Variants in ZNF577 observed in about 807,000 individuals in gnomAD.
ZNF577 encodes the protein zinc finger protein 577.
In ZNF577, 14 loss-of-function variants were observed where a neutral mutation model predicts 13.9. The observed-to-expected ratio is 1.00, with a 90% confidence interval of 0.66 to 1.57. ZNF577 has a LOEUF of 1.57. Among genes scored for constraint, ZNF577 ranks in the 40% most tolerant of loss-of-function variants. The pLI is 0.00. For synonymous variants in ZNF577, 203 were observed against 202.9 expected, an observed-to-expected ratio of 1.00 and a Z score of 0.00; for missense variants, 555 against 579.2, an observed-to-expected ratio of 0.96 and a Z score of 0.43.
intron 5 of ZNF577, among the ~76,000 whole-genome samples, chr19:51,857,394 GA>G (rs1203689121): frequency 6.7e-5 from 8 of 119,294 alleles, no homozygotes; most frequent in Non-Finnish European, 1.3e-4. Context: ...AAGAAAGAAA[GA>G]AAGAAAGAAA....
chr19:51,865,097 A>T (rs1489509516), downstream of ZNF577, among the ~76,000 whole-genome samples: 1 of 151,996 alleles, frequency 6.6e-6, no homozygotes, highest in African/African-American at 2.4e-5. Context: ...AACTTTCCCA[A>T]AGATTTTTTT....
intron 5 of ZNF577, among the ~76,000 whole-genome samples, chr19:51,857,400 AAG>A (rs1284733262): frequency 4.8e-5 from 6 of 124,004 alleles, no homozygotes; most frequent in South Asian, 6.6e-4. Flanking sequence ...GAAAGAAAGA[AAG>A]AAAGAAAGAA....
chr19:51,823,836 T>C (rs2084209070), intron 9 of ZNF577: 2 of 1,614,050 alleles, frequency 1.2e-6, no homozygotes, highest in Non-Finnish European at 1.7e-6. Context: ...GATCTTCTCA[T>C]TGCTAGTCCA....
intron 9 of ZNF577, among the ~76,000 whole-genome samples, chr19:51,829,631 G>C (rs12459126): frequency 0.099 from 15,039 of 152,216 alleles, 925 homozygotes; most frequent in South Asian, 0.32. Context: ...GAGAGCCACA[G>C]GATACCAGGC....
At chr19:51,858,375 T>C (rs2084460558) in intron 5 of ZNF577, among the ~76,000 whole-genome samples, 2 of 152,218 alleles carry the variant, frequency 1.3e-5, no homozygotes, top group African/African-American at 4.8e-5. Context: ...CTACTTAGGG[T>C]AGGGAGTCCC....
At chr19:51,806,202 C>T (rs962516144) in intron 10 of ZNF577, among the ~76,000 whole-genome samples, 5 of 152,156 alleles carry the variant, frequency 3.3e-5, no homozygotes, top group East Asian at 1.9e-4. Flanking sequence ...TGGCTCGTAC[C>T]GGAGGGACTG....
chr19:51,879,698 G>T (rs184266030), intron 3 of ZNF577, among the ~76,000 whole-genome samples: 26 of 152,302 alleles, frequency 1.7e-4, no homozygotes, highest in Admixed American at 1.7e-3. Context: ...ACTAGATAGA[G>T]ACCCAAACTA....
chr19:51,882,602 C>A (rs1466472753), intron 1 of ZNF577, among the ~76,000 whole-genome samples: 2 of 151,790 alleles, frequency 1.3e-5, no homozygotes, highest in Non-Finnish European at 2.9e-5. Context: ...GGCAACATAC[C>A]AAGACCTTGT....
chr19:51,806,084 A>G (rs1432208546), intron 10 of ZNF577, among the ~76,000 whole-genome samples: 1 of 152,236 alleles, frequency 6.6e-6, no homozygotes, highest in Non-Finnish European at 1.5e-5. Context: ...GATTAAAAAC[A>G]CAAACCACAA....
chr19:51,846,663 G>A (rs563375183), intron 5 of ZNF577, among the ~76,000 whole-genome samples: 32 of 151,912 alleles, frequency 2.1e-4, no homozygotes, highest in Middle Eastern at 3.4e-3. Flanking sequence ...AGCCGAGATC[G>A]CGCCACTGCA....
intron 9 of ZNF577, among the ~76,000 whole-genome samples, chr19:51,830,469 G>A (rs1466924070): frequency 6.6e-6 from 1 of 152,152 alleles, no homozygotes; most frequent in African/African-American, 2.4e-5. Context: ...GATTACTGCA[G>A]TGGGACTACT....
At chr19:51,879,235 C>T (rs1483302966) in intron 3 of ZNF577, among the ~76,000 whole-genome samples, 6 of 138,084 alleles carry the variant, frequency 4.3e-5, no homozygotes, top group African/African-American at 8.2e-5. Flanking sequence ...GCAGCCTGGG[C>T]GACAGAGCAA....
intron 9 of ZNF577, among the ~76,000 whole-genome samples, chr19:51,822,463 T>C (rs1013761058): frequency 1.3e-5 from 2 of 152,004 alleles, no homozygotes; most frequent in East Asian, 1.9e-4. Flanking sequence ...TCACCAGCAA[T>C]ATCTGTCAGA....
At chr19:51,865,781 G>A (rs1216583614), downstream of ZNF577, among the ~76,000 whole-genome samples, 3 of 152,118 alleles carry the variant, frequency 2.0e-5, no homozygotes, top group Non-Finnish European at 2.9e-5. Context: ...CACCTGAAAT[G>A]CACTGACCTC....
intron 1 of ZNF577, among the ~76,000 whole-genome samples, chr19:51,884,341 A>C (rs2084909708): frequency 6.6e-6 from 1 of 152,228 alleles, no homozygotes; most frequent in African/African-American, 2.4e-5. Context: ...TACAAGTTTC[A>C]AGGCATGAAG....
intron 5 of ZNF577, among the ~76,000 whole-genome samples, chr19:51,847,483 G>C (rs1225563456): frequency 1.3e-5 from 2 of 151,976 alleles, no homozygotes; most frequent in Non-Finnish European, 2.9e-5. Context: ...TGAAACCTCA[G>C]ATCACTAACC....
At chr19:51,853,984 T>C (rs1381043658) in intron 5 of ZNF577, among the ~76,000 whole-genome samples, 1 of 150,904 alleles carries the variant, frequency 6.6e-6, no homozygotes, top group Non-Finnish European at 1.5e-5. Context: ...AAAGCAAATA[T>C]GGCAAAAATT....
At chr19:51,884,658 A>C (rs1238533898) in intron 1 of ZNF577, among the ~76,000 whole-genome samples, 1 of 152,174 alleles carries the variant, frequency 6.6e-6, no homozygotes, top group Non-Finnish European at 1.5e-5. Flanking sequence ...AAAAAAAAGA[A>C]TTATAGAGAT....
intron 9 of ZNF577, among the ~76,000 whole-genome samples, chr19:51,814,433 T>C (rs948174703): frequency 6.6e-6 from 1 of 152,200 alleles, no homozygotes; most frequent in African/African-American, 2.4e-5. Flanking sequence ...GGTAATGATA[T>C]TGGATAACGG....
Sources: allele counts gnomAD v4.1 joint callset (sites outside exome capture counted in the v4.1 genomes callset), GRCh38; gene constraint gnomAD v4.1.1; transcripts MANE v1.5; gene names NCBI Gene and HGNC (gene_info 2026-07-23, HGNC 2026-07-21).